The following ZNF680 variants were observed in gnomAD, a reference collection of about 807,000 sequenced individuals.
ZNF680 encodes the protein zinc finger protein 680.
Under a neutral mutation model 12.1 loss-of-function variants are expected in ZNF680, and 6 were observed. The ratio of observed to expected loss-of-function variants is 0.49; its 90% confidence interval spans 0.27 to 0.98. The LOEUF is 0.98. Among genes scored for constraint, ZNF680 ranks in the 50% least tolerant of loss-of-function variants. The probability of loss-of-function intolerance (pLI) is 0.12; values close to 1 mark genes in which losing one functional copy is unlikely to be tolerated. For synonymous variants in ZNF680, 170 were observed against 199.3 expected (o/e 0.85, Z 1.24); for missense variants, 561 against 616.3 (o/e 0.91, Z 0.95).
chr7:64,517,510 C>T (rs1791379465), downstream of ZNF680, among the ~76,000 whole-genome samples: 1 of 151,964 alleles, frequency 6.6e-6, no homozygotes, highest in African/African-American at 2.4e-5. Context: ...CAGAATTCTA[C>T]CCAACATTAA....
At chr7:64,555,764 CACTAGCT>C (rs1787380887) in intron 1 of ZNF680, among the ~76,000 whole-genome samples, 1 of 149,070 alleles carries the variant, frequency 6.7e-6, no homozygotes, top group East Asian at 1.9e-4. Context: ...TAAGATAAAC[CACTAGCT>C]ACAATAATAA....
chr7:64,562,327 G>C (rs1216817283), intron 1 of ZNF680, among the ~76,000 whole-genome samples: 1 of 151,684 alleles, frequency 6.6e-6, no homozygotes, highest in African/African-American at 2.4e-5. Context: ...ACTATAAACT[G>C]CCAAGTACCC....
chr7:64,526,570 A>G, intron 3 of ZNF680: 1 of 416,860 alleles, frequency 2.4e-6, no homozygotes, highest in Non-Finnish European at 4.2e-6. Flanking sequence ...TAAAAAAAAA[A>G]AATGATGCTG....
chr7:64,521,987 T>C lies in ZNF680; in HGVS notation c.767A>G (p.His256Arg), dbSNP rs1342184581. 6.8e-6 allele frequency: 11 copies of C among 1,612,708 alleles called. No individual in the cohort carries two copies. Among genetic ancestry groups the C allele is most frequent in the Admixed American group, 3.3e-5 (2 of 59,872 alleles). Residue 256 changes from histidine (H) to arginine (R), a missense_variant, in exon 4 of 4, where the codon CAT becomes CGT. Physicochemically the swap from His to Arg is conservative, Grantham distance 29. Transcript: ENST00000309683. ...TTTCTCTTCAATATGAATTTTCTTA[T>C]GTTTAATAAGGGTTGAGGATTGGTT... ...AFNQSSTLIK[H>R]KKIHIEEKPF...
intron 3 of ZNF680, among the ~76,000 whole-genome samples, chr7:64,542,048 C>T (rs1408360495): frequency 1.3e-5 from 2 of 152,162 alleles, no homozygotes; most frequent in East Asian, 1.9e-4. Flanking sequence ...TACTGTCTGC[C>T]CTACAGAGCA....
At chr7:64,526,670 G>A (rs1373914239) in intron 3 of ZNF680, among the ~76,000 whole-genome samples, 1 of 151,928 alleles carries the variant, frequency 6.6e-6, no homozygotes, top group Non-Finnish European at 1.5e-5. Flanking sequence ...TAATGATGGA[G>A]CATAAAACCT....
intron 3 of ZNF680, among the ~76,000 whole-genome samples, chr7:64,523,198 A>C (rs1203486575): frequency 6.6e-6 from 1 of 152,134 alleles, no homozygotes; most frequent in Admixed American, 6.5e-5. Flanking sequence ...AAGTATTATA[A>C]ATGTCTATTA....
At chr7:64,553,103 G>T (rs182890118) in intron 1 of ZNF680, among the ~76,000 whole-genome samples, 15 of 149,316 alleles carry the variant, frequency 1.0e-4, no homozygotes, top group African/African-American at 2.7e-4. Flanking sequence ...CCAGCCTGGG[G>T]GACAAAGTAA....
At chr7:64,542,607 A>C (rs2116484387) in intron 3 of ZNF680, among the ~76,000 whole-genome samples, 1 of 152,350 alleles carries the variant, frequency 6.6e-6, no homozygotes, top group East Asian at 1.9e-4. Context: ...AATCTTATTT[A>C]CAGTAGCATT....
In ZNF680 at chr7:64,531,591, C is replaced by T. The variant is rs373538484; in HGVS notation, c.254-9091G>A. Reference sequence around the variant, plus strand: ...CAGCCTGGGCAACACAGTGAGACTCCGTCTCAAAAAAAAAAAAAAAAAAAC... The same window carrying T: ...CAGCCTGGGCAACACAGTGAGACTCTGTCTCAAAAAAAAAAAAAAAAAAAC... On this transcript the variant is annotated intron_variant, in intron 3 of 3. Transcript: ENST00000309683. Among the ~76,000 whole-genome samples the T allele has an allele frequency of 1.3e-3, 136 of 106,690 alleles. 2 individuals carry two copies. In the East Asian group the frequency reaches 0.024, roughly 19 times the overall value. The allele number at this position is 106,690 out of a possible 152,430, so 70.0% of individuals were successfully genotyped here.
At chr7:64,554,799 TAAGA>T (rs1034572951) in intron 1 of ZNF680, among the ~76,000 whole-genome samples, 1 of 152,052 alleles carries the variant, frequency 6.6e-6, no homozygotes, top group Non-Finnish European at 1.5e-5. Flanking sequence ...GCATACTCGT[TAAGA>T]GTCATCACCA....
the ZNF680 span, among the ~76,000 whole-genome samples, chr7:64,512,060 CAA>C: frequency 3.6e-5 from 4 of 112,484 alleles, no homozygotes; most frequent in African/African-American, 3.2e-5. Context: ...ACTTGGTCTC[CAA>C]AAAAAAAAAA....
intron 3 of ZNF680, among the ~76,000 whole-genome samples, chr7:64,539,465 T>G (rs1349358483): frequency 6.6e-6 from 1 of 151,812 alleles, no homozygotes; most frequent in Non-Finnish European, 1.5e-5. Context: ...TACTGTATGA[T>G]TCCACTTATG....
At chr7:64,516,466 A>G (rs1434864361), downstream of ZNF680, among the ~76,000 whole-genome samples, 1 of 152,212 alleles carries the variant, frequency 6.6e-6, no homozygotes, top group Admixed American at 6.5e-5. Context: ...CCAAATTTAT[A>G]AAACAATAAC....
At chr7:64,561,856 A>G (rs967127826) in intron 1 of ZNF680, among the ~76,000 whole-genome samples, 1 of 149,134 alleles carries the variant, frequency 6.7e-6, no homozygotes, top group Non-Finnish European at 1.5e-5. Context: ...AATGGCGTCA[A>G]CCCAGGAGGC....
chr7:64,506,757 G>A, the ZNF680 span, among the ~76,000 whole-genome samples: 1 of 152,110 alleles, frequency 6.6e-6, no homozygotes, highest in Non-Finnish European at 1.5e-5. Flanking sequence ...ACTCAAGAGT[G>A]TTACCTCTGT....
At chr7:64,546,094 G>A (rs566416240) in intron 1 of ZNF680, among the ~76,000 whole-genome samples, 1 of 152,262 alleles carries the variant, frequency 6.6e-6, no homozygotes, top group South Asian at 2.1e-4. Flanking sequence ...ATTGAAACTA[G>A]CTCATTAGGG....
At chr7:64,551,400 T>A (rs1584399193) in intron 1 of ZNF680, 1 of 152,132 alleles carries the variant, frequency 6.6e-6, no homozygotes, top group African/African-American at 2.4e-5. Context: ...GACTCCTACC[T>A]CCTGCCACTG....
intron 1 of ZNF680, 66 bp from the exon 2 acceptor site, chr7:64,544,498 C>T (rs4717197): frequency 0.012 from 18,959 of 1,551,440 alleles, 302 homozygotes; most frequent in Admixed American, 0.05. Flanking sequence ...TGACCATGGG[C>T]AGAATTTTTA....
Sources: gnomAD v4.1 joint callset for allele counts (sites outside exome capture counted in the v4.1 genomes callset) on GRCh38, gnomAD v4.1.1 for gene constraint, MANE v1.5 for transcripts, NCBI Gene and HGNC (gene_info 2026-07-23, HGNC 2026-07-21) for gene names.